Variants in WDR93 observed in about 807,000 individuals in gnomAD.
WDR93 encodes WD repeat-containing protein 93.
Under a neutral mutation model 82.9 loss-of-function variants are expected in WDR93, and 73 were observed. The ratio of observed to expected loss-of-function variants is 0.88; its 90% CI spans 0.73 to 1.07. WDR93 has a LOEUF of 1.07. Among genes scored for constraint, WDR93 ranks in the 50% least tolerant of loss-of-function variants. The probability of loss-of-function intolerance (pLI) is 0.00; values close to 1 mark genes in which losing one functional copy is unlikely to be tolerated. For synonymous variants in WDR93, 283 were observed against 300.1 expected, an observed-to-expected ratio of 0.94 and a Z score of 0.59; for missense variants, 738 against 826.0, an observed-to-expected ratio of 0.89 and a Z score of 1.31.
chr15:89,727,771 T>A (rs542470687), intron 9 of WDR93, among the ~76,000 whole-genome samples: 6 of 151,886 alleles, frequency 4.0e-5, no homozygotes, highest in Admixed American at 3.9e-4. Context: ...TCTTTTTAAA[T>A]TTTTTTTTCT....
upstream of WDR93, chr15:89,690,796 G>A (rs1037110394): frequency 1.8e-5 from 10 of 560,756 alleles, no homozygotes; most frequent in Non-Finnish European, 1.9e-5. Context: ...GAGCAACTTC[G>A]CGGACTTCCG....
chr15:89,726,025 T>A (rs1966724653), intron 8 of WDR93, among the ~76,000 whole-genome samples: 1 of 152,192 alleles, frequency 6.6e-6, no homozygotes, highest in Non-Finnish European at 1.5e-5. Context: ...ATGAAGAGGA[T>A]CTATAGTACT....
intron 11 of WDR93, among the ~76,000 whole-genome samples, chr15:89,730,235 G>C (rs1966848265): frequency 6.7e-6 from 1 of 149,800 alleles, no homozygotes; most frequent in South Asian, 2.1e-4. Context: ...TGAGGCAGGA[G>C]AATCACATGA....
In WDR93 at chr15:89,715,020, G is replaced by A; in HGVS notation, c.681G>A (p.Lys227=). The part of the protein sequence containing the change: ...DIWLDVYKLP[K]ETWLKKLEHP... ...GGCTGGATGTGTATAAATTGCCCAA[G>A]GAGACTTGGCTCAAGAAACTAGAGC... Residue 227 remains lysine (K), a synonymous_variant, in exon 6 of 17, where the codon AAG becomes AAA. Transcript: ENST00000268130. The A allele has an allele frequency of 6.2e-7, 1 of 1,614,044 alleles. No individual in the cohort carries two copies. The highest frequency in any genetic ancestry group is 2.2e-5 in the East Asian group (1 of 44,874).
chr15:89,722,267 A>T, intron 8 of WDR93, 128 bp downstream of exon 8: 1 of 778,144 alleles, frequency 1.3e-6, no homozygotes, highest in Non-Finnish European at 2.0e-6. Context: ...TGAAGAGGAA[A>T]TTTTTTTTAA....
intron 8 of WDR93, among the ~76,000 whole-genome samples, chr15:89,724,851 C>T (rs186548384): frequency 6.6e-6 from 1 of 152,092 alleles, no homozygotes; most frequent in Non-Finnish European, 1.5e-5. Context: ...TACTCCCATA[C>T]ATTGCATTTA....
intron 10 of WDR93, 126 bp from the exon 11 acceptor site, chr15:89,729,557 A>T: frequency 1.4e-6 from 1 of 715,942 alleles, no homozygotes; most frequent in Non-Finnish European, 2.4e-6. Context: ...GCTGCCCATT[A>T]AAACAAACCA....
intron 9 of WDR93, among the ~76,000 whole-genome samples, chr15:89,728,529 A>G (rs1966825311): frequency 1.3e-5 from 2 of 152,244 alleles, no homozygotes; most frequent in Admixed American, 1.3e-4. Context: ...GCATAGTGAG[A>G]TAATTAGGGT....
At chr15:89,735,639 T>A in intron 14 of WDR93, 86 bp downstream of exon 14, 5 of 1,395,614 alleles carry the variant, frequency 3.6e-6, no homozygotes, top group Non-Finnish European at 5.1e-6. Context: ...AGAAAATGCT[T>A]ATTGAAGGCC....
chr15:89,735,313 A>T (rs1440084937), intron 13 of WDR93, among the ~76,000 whole-genome samples, 177 bp from the exon 14 acceptor site: 1 of 152,220 alleles, frequency 6.6e-6, no homozygotes, highest in Non-Finnish European at 1.5e-5. Flanking sequence ...TACCACAATG[A>T]CTTAAGCATC....
At chr15:89,727,066 G>T (rs539860937) in intron 8 of WDR93, 91 bp from the exon 9 acceptor site, 15 of 1,420,424 alleles carry the variant, frequency 1.1e-5, no homozygotes, top group Non-Finnish European at 9.7e-7. Context: ...GAGGGATTCT[G>T]CAGGAAGCTG....
At chr15:89,701,633 C>A in intron 1 of WDR93, 74 bp from the exon 2 acceptor site, 1 of 1,301,268 alleles carries the variant, frequency 7.7e-7, no homozygotes, top group Non-Finnish European at 1.1e-6. Context: ...GGCTATTGTG[C>A]TAGAAAAGGA....
chr15:89,707,559 TACACACAGAG>T (rs1965775576), intron 4 of WDR93, among the ~76,000 whole-genome samples: 1 of 150,344 alleles, frequency 6.7e-6, no homozygotes. Context: ...AACACACAGA[TACACACAGAG>T]ACACAGACAC....
At chr15:89,739,293 A>G (rs932462274) in intron 16 of WDR93, among the ~76,000 whole-genome samples, 3 of 152,164 alleles carry the variant, frequency 2.0e-5, no homozygotes, top group African/African-American at 7.2e-5. Flanking sequence ...ATGCTATGGC[A>G]GGATTGAAGG....
At chr15:89,695,993 T>G (rs111679077) in intron 1 of WDR93, among the ~76,000 whole-genome samples, 29,626 of 151,770 alleles carry the variant, frequency 0.2, 3,109 homozygotes, top group Middle Eastern at 0.3. Context: ...ATTTTTGTAT[T>G]TTTAGTAGAG....
chr15:89,740,605 G>A (rs527723538), intron 16 of WDR93, among the ~76,000 whole-genome samples: 3 of 152,066 alleles, frequency 2.0e-5, no homozygotes, highest in South Asian at 4.1e-4. Flanking sequence ...GGGTTCAAGC[G>A]ATTCTCCTGC....
intron 16 of WDR93, among the ~76,000 whole-genome samples, chr15:89,740,340 C>A (rs1018733431): frequency 6.6e-6 from 1 of 152,162 alleles, no homozygotes; most frequent in Non-Finnish European, 1.5e-5. Context: ...GCTCTCGGTA[C>A]CTCCCGGAGG....
chr15:89,741,565 G>A (rs1967675703), intron 16 of WDR93, among the ~76,000 whole-genome samples: 1 of 152,180 alleles, frequency 6.6e-6, no homozygotes, highest in South Asian at 2.1e-4. Flanking sequence ...ATTCTACTTA[G>A]ATTGGCAGAG....
At chr15:89,695,347 T>G (rs1965115147) in intron 1 of WDR93, among the ~76,000 whole-genome samples, 1 of 152,162 alleles carries the variant, frequency 6.6e-6, no homozygotes. Flanking sequence ...GGTGGGTGTT[T>G]TTTAGAGAGG....
Sources: gnomAD v4.1 joint callset for allele counts (sites outside exome capture counted in the v4.1 genomes callset) on GRCh38, gnomAD v4.1.1 for gene constraint, MANE v1.5 for transcripts, NCBI Gene and HGNC (gene_info 2026-07-23, HGNC 2026-07-21) for gene names.